HIP1: variants seen among roughly 807,000 people sequenced by gnomAD.
HIP1 encodes the protein huntingtin interacting protein 1.
In HIP1, 65 loss-of-function variants were observed where a neutral mutation model predicts 147.6. That is an observed-to-expected ratio of 0.44 (90% CI 0.36 to 0.54). HIP1 has a LOEUF of 0.54. Ranked by LOEUF, HIP1 falls within the 20% of genes least tolerant of loss-of-function variation. HIP1 has a pLI of 0.00. For missense variants in HIP1, 1,061 were observed against 1,299.6 expected (o/e 0.82, Z 2.82); for synonymous variants, 479 against 504.0 (o/e 0.95, Z 0.67).
chr7:75,608,430 G>A (rs1797307529), intron 1 of HIP1, among the ~76,000 whole-genome samples: 1 of 152,242 alleles, frequency 6.6e-6, no homozygotes, highest in African/African-American at 2.4e-5. Context: ...AGGAGGGAAC[G>A]TATGGTTCCA....
chr7:75,723,641 C>T (rs113833451), intron 1 of HIP1, among the ~76,000 whole-genome samples: 1 of 152,000 alleles, frequency 6.6e-6, no homozygotes, highest in South Asian at 2.1e-4. Flanking sequence ...CCTCCCACAT[C>T]TCAGAGTTAG....
intron 1 of HIP1, among the ~76,000 whole-genome samples, chr7:75,682,417 T>C (rs1417179045): frequency 1.3e-5 from 2 of 151,556 alleles, no homozygotes; most frequent in Non-Finnish European, 2.9e-5. Flanking sequence ...CATGCTACTA[T>C]AGCCAGCTAG....
At chr7:75,582,702 T>A (rs1338907429) in intron 5 of HIP1, among the ~76,000 whole-genome samples, 2 of 152,088 alleles carry the variant, frequency 1.3e-5, no homozygotes, top group Admixed American at 1.3e-4. Context: ...CCCAGCTCCT[T>A]GGGAGGTTGA....
At chr7:75,540,313 C>A (rs1298824439) in intron 29 of HIP1, among the ~76,000 whole-genome samples, 1 of 151,838 alleles carries the variant, frequency 6.6e-6, no homozygotes, top group African/African-American at 2.4e-5. Context: ...TCTGTAATCC[C>A]AGCTACTTTG....
At chr7:75,690,772 G>T (rs1800423096) in intron 1 of HIP1, among the ~76,000 whole-genome samples, 2 of 152,038 alleles carry the variant, frequency 1.3e-5, no homozygotes, top group South Asian at 4.1e-4. Context: ...TGAGGCAGGA[G>T]AATTGCTTGA....
intron 1 of HIP1, among the ~76,000 whole-genome samples, chr7:75,602,800 C>G (rs1263247984): frequency 1.3e-5 from 2 of 148,756 alleles, no homozygotes; most frequent in African/African-American, 2.5e-5. Flanking sequence ...TAATCACGCC[C>G]AACCCCCCCC....
At chr7:75,626,454 A>G (rs797031947) in intron 1 of HIP1, 13 of 152,348 alleles carry the variant, frequency 8.5e-5, no homozygotes, top group African/African-American at 3.1e-4. Flanking sequence ...TAGTGATACT[A>G]ACATTGACTG....
At chr7:75,660,042 C>A (rs138496460) in intron 1 of HIP1, among the ~76,000 whole-genome samples, 5 of 151,472 alleles carry the variant, frequency 3.3e-5, no homozygotes, top group Non-Finnish European at 7.4e-5. Context: ...GGAAGAATCG[C>A]GTGAACCGGA....
chr7:75,553,559 C>T lies in HIP1; in HGVS notation c.2189G>A (p.Arg730Lys), dbSNP rs949601569. The change falls in exon 22 of 31, where the codon AGG becomes AAG. Residue 730 changes from arginine to lysine, a missense_variant. Physicochemically the swap from Arg to Lys is conservative, Grantham distance 26. Transcript: ENST00000336926. ...GGAGGCCAGGTAGGCGAGGGTTTCCCTGCCATACTGCTTACAGGCCTCGGT... is the reference window on the plus strand; with the variant it reads ...GGAGGCCAGGTAGGCGAGGGTTTCCTTGCCATACTGCTTACAGGCCTCGGT... ...SLTEACKQYG[R>K]ETLAYLASLE... 20 of 1,614,072 alleles carry T rather than the reference C, an allele frequency of 1.2e-5. No homozygotes were observed. The highest frequency in any genetic ancestry group is 1.6e-5 in the Non-Finnish European group (19 of 1,179,988).
intron 1 of HIP1, among the ~76,000 whole-genome samples, chr7:75,683,139 G>A (rs1339552150): frequency 6.6e-6 from 1 of 151,990 alleles, no homozygotes; most frequent in African/African-American, 2.4e-5. Flanking sequence ...GCGCTACCAT[G>A]CCCAGCTAAT....
intron 29 of HIP1, among the ~76,000 whole-genome samples, chr7:75,540,677 AC>A (rs1311749011): frequency 1.3e-5 from 2 of 152,044 alleles, no homozygotes; most frequent in East Asian, 1.9e-4. Context: ...TTTGAAATTC[AC>A]CCCAAGACTG....
chr7:75,582,915 T>G (rs1796112055), intron 5 of HIP1, among the ~76,000 whole-genome samples: 1 of 152,280 alleles, frequency 6.6e-6, no homozygotes, highest in African/African-American at 2.4e-5. Flanking sequence ...AGTTTTCCTT[T>G]GCCCCAAGTC....
At position 75,666,151 on chromosome 7, in the gene HIP1, T is replaced by A. The variant is rs556620093; in HGVS notation, c.121-66904A>T. On this transcript the variant is annotated intron_variant, in intron 1 of 30. Transcript: ENST00000336926. ...GGTAGATTTTTTTTTAATCATGCTT[T>A]ATTAATTAATTAATTAATTAATTTT... Among the ~76,000 whole-genome samples, 299 of 151,674 alleles carry A rather than the reference T, an allele frequency of 2.0e-3. 1 individual carries two copies. The highest frequency in any genetic ancestry group is 5.3e-3 in the African/African-American group (221 of 41,422).
Position 75,561,333 on chromosome 7 carries a change from G to T in HIP1, c.1187C>A (p.Thr396Asn). Residue 396 changes from threonine (T) to asparagine (N), a missense_variant, in exon 13 of 31, where the codon ACT becomes AAT. This residue lies in a region of HIP1 where 810 missense variants were observed against 946.8 expected (regional missense o/e 0.86). Coordinates refer to ENST00000336926, the MANE Select transcript of HIP1 (RefSeq NM_005338.7). The stretch of plus-strand genomic sequence containing the variant: ...CAGAGCAGATCCAAGTTATACCTCA[G>T]TCTTCATGTTTTCTAGCTGTGCCTT... ...GLKAQLENMK[T>N]ESQRVVLQLK... 1 of 1,606,172 alleles carries T rather than the reference G, an allele frequency of 6.2e-7. No homozygotes were observed. Among genetic ancestry groups the T allele is most frequent in the Non-Finnish European group, 8.5e-7 (1 of 1,172,768 alleles).
intron 1 of HIP1, among the ~76,000 whole-genome samples, chr7:75,673,353 A>G (rs1424384745): frequency 6.6e-6 from 1 of 151,924 alleles, no homozygotes; most frequent in Admixed American, 6.6e-5. Context: ...TGTTTTGCTT[A>G]TTTGGGATCC....
chr7:75,553,074 A>G (rs781936351), intron 22 of HIP1, among the ~76,000 whole-genome samples: 21 of 151,812 alleles, frequency 1.4e-4, no homozygotes, highest in Non-Finnish European at 2.9e-4. Context: ...AGTACCTGGG[A>G]TTATAGGCAT....
chr7:75,554,414 CAG>C lies in HIP1; in HGVS notation c.2050+24_2050+25del, dbSNP rs782252076. 1.0e-5 allele frequency: 16 copies of C among 1,589,752 alleles called. No homozygotes were observed. In the South Asian group the frequency reaches 1.5e-4, roughly 15 times the overall value. ...ACCCTGTCTGGCCATCACTAGCCGA[CAG>C]AGACTGTCCTTGGCCATTCTTACCT... On this transcript the variant is annotated intron_variant, in intron 20 of 30. Transcript: ENST00000336926.
intron 22 of HIP1, among the ~76,000 whole-genome samples, chr7:75,549,425 C>G (rs587640616): frequency 7.0e-6 from 1 of 143,798 alleles, no homozygotes; most frequent in African/African-American, 2.6e-5. Context: ...GGCTGGAGTA[C>G]AGTGGCACAA....
intron 1 of HIP1, among the ~76,000 whole-genome samples, chr7:75,670,531 G>A (rs1232202703): frequency 1.3e-5 from 2 of 151,858 alleles, no homozygotes; most frequent in Non-Finnish European, 2.9e-5. Flanking sequence ...CAACCATCAC[G>A]GCCGTTCATC....
Sources: allele counts gnomAD v4.1 joint callset (sites outside exome capture counted in the v4.1 genomes callset), GRCh38; gene constraint gnomAD v4.1.1; regional missense constraint gnomAD v4.1.1; transcripts MANE v1.5; gene names NCBI Gene and HGNC (gene_info 2026-07-23, HGNC 2026-07-21).